MCOLN2: variants seen among roughly 807,000 people sequenced by gnomAD.
The protein encoded by MCOLN2 is mucolipin-2.
In MCOLN2, 57 loss-of-function variants were observed where a neutral mutation model predicts 67.5. That is an observed-to-expected ratio of 0.84 (90% CI 0.68 to 1.05). The LOEUF (loss-of-function observed/expected upper bound fraction) is 1.05, where lower values mean the gene tolerates loss of function less well. MCOLN2 is among the 50% of genes least tolerant of loss of function. The pLI is 0.00. For missense variants in MCOLN2, 620 were observed against 678.8 expected (o/e 0.91, Z 0.96); for synonymous variants, 246 against 233.3 (o/e 1.05, Z -0.50).
At position 84,956,459 on chromosome 1, in the gene MCOLN2, T is replaced by C; in HGVS notation, c.537A>G (p.Thr179=). 1 of 1,611,610 alleles carries C rather than the reference T, an allele frequency of 6.2e-7. No homozygotes were observed. The highest frequency in any genetic ancestry group is 8.5e-7 in the Non-Finnish European group (1 of 1,179,250). The part of the protein sequence containing the change: ...KKGTMFPSNE[T]LNIDNDVELD... The stretch of plus-strand genomic sequence containing the variant: ...GCTCAACGTCGTTGTCAATATTCAG[T>C]GTCTCATTAGAAGGAAACATGGTCC... The change falls in exon 4 of 14, where the codon ACA becomes ACG. Residue 179 remains threonine (T), a synonymous_variant. Coordinates refer to ENST00000370608, the MANE Select transcript of MCOLN2 (RefSeq NM_153259.4).
chr1:84,954,125 T>G (rs1037433198), intron 4 of MCOLN2, among the ~76,000 whole-genome samples: 2 of 152,228 alleles, frequency 1.3e-5, no homozygotes, highest in African/African-American at 4.8e-5. Flanking sequence ...AAACGCCCAT[T>G]GCCTAGCATG....
chr1:84,976,086 G>T (rs980839672), intron 1 of MCOLN2, among the ~76,000 whole-genome samples: 3 of 152,020 alleles, frequency 2.0e-5, no homozygotes, highest in African/African-American at 7.2e-5. Flanking sequence ...CCTTAAGAAG[G>T]AGGAAGAAAA....
Position 84,985,339 on chromosome 1 carries a change from C to T in MCOLN2, c.77+11457G>A, listed in dbSNP as rs1298414854. Among the ~76,000 whole-genome samples, 9 of 152,298 alleles carry T rather than the reference C, an allele frequency of 5.9e-5. No individual in the cohort carries two copies. The East Asian group carries it at 1.4e-3, about 23-fold the overall frequency. ...TTGGGACAACCTCTTCTGTCAGTTTCCAGGACACCCCCCTCCTCTTGATGT... is the reference window on the plus strand; with the variant it reads ...TTGGGACAACCTCTTCTGTCAGTTTTCAGGACACCCCCCTCCTCTTGATGT... On this transcript the variant is annotated intron_variant, in intron 1 of 13. Transcript: ENST00000370608.
chr1:84,962,425 G>A (rs1277884244), intron 2 of MCOLN2, among the ~76,000 whole-genome samples: 1 of 152,142 alleles, frequency 6.6e-6, no homozygotes, highest in Non-Finnish European at 1.5e-5. Flanking sequence ...TGTGCCTTTA[G>A]TCAGCTGTTT....
At chr1:84,952,798 G>A (rs1024333823) in intron 4 of MCOLN2, among the ~76,000 whole-genome samples, 1 of 152,160 alleles carries the variant, frequency 6.6e-6, no homozygotes, top group African/African-American at 2.4e-5. Flanking sequence ...GAACTGAGAA[G>A]CATATGACAT....
chr1:84,981,650 C>T (rs189668731), intron 1 of MCOLN2, among the ~76,000 whole-genome samples: 7 of 152,048 alleles, frequency 4.6e-5, no homozygotes, highest in East Asian at 1.9e-4. Flanking sequence ...TGGTTACCAG[C>T]GGCTGGGAAG....
chr1:84,952,193 A>G, intron 6 of MCOLN2, 50 bp downstream of exon 6: 1 of 1,310,460 alleles, frequency 7.6e-7, no homozygotes, highest in Non-Finnish European at 1.1e-6. Context: ...ATCAACAAAA[A>G]GTGTAGGAAA....
At chr1:84,954,206 C>A (rs1225319115) in intron 4 of MCOLN2, among the ~76,000 whole-genome samples, 1 of 152,146 alleles carries the variant, frequency 6.6e-6, no homozygotes, top group Non-Finnish European at 1.5e-5. Flanking sequence ...ATGTCCTGAG[C>A]CAGAAACAGG....
intron 7 of MCOLN2, among the ~76,000 whole-genome samples, chr1:84,944,419 G>A (rs1431103271): frequency 6.6e-6 from 1 of 152,080 alleles, no homozygotes; most frequent in Non-Finnish European, 1.5e-5. Flanking sequence ...TGTAGTCCCA[G>A]CTACTTGAGA....
At chr1:84,992,756 A>AC (rs1650952693) in intron 1 of MCOLN2, among the ~76,000 whole-genome samples, 2 of 141,528 alleles carry the variant, frequency 1.4e-5, no homozygotes, top group Non-Finnish European at 3.2e-5. Context: ...TATGTCTAAA[A>AC]AAACCACCTT....
chr1:84,938,101 GAA>G lies in MCOLN2; in HGVS notation c.1111-21_1111-20del. ...TGAGATTCTAAGGAATGAAAAAAAAGAAAGAGAGAAATGAGTAAAATATTTGA... is the reference window on the plus strand; with the variant it reads ...TGAGATTCTAAGGAATGAAAAAAAAGAGAGAGAAATGAGTAAAATATTTGA... On this transcript the variant is annotated intron_variant, in intron 9 of 13. Transcript: ENST00000370608. 1.9e-6 allele frequency: 3 copies of G among 1,555,482 alleles called. No individual in the cohort carries two copies. Among genetic ancestry groups the G allele is most frequent in the Non-Finnish European group, 2.6e-6 (3 of 1,134,196 alleles).
Position 84,926,445 on chromosome 1 carries a change from T to C in MCOLN2, c.*240A>G. ...TTAACAGACTAATAGAGAATTTTAT[T>C]ATCGCTGTTATATTGCACTAATGCC... is the stretch of plus-strand genomic sequence containing the variant. On this transcript the variant is annotated 3_prime_UTR_variant, in exon 14 of 14. Coordinates refer to ENST00000370608, the MANE Select transcript of MCOLN2 (RefSeq NM_153259.4). 1 of 364,362 alleles carries C rather than the reference T, an allele frequency of 2.7e-6. No homozygotes were observed. The highest frequency in any genetic ancestry group is 4.9e-6 in the Non-Finnish European group (1 of 203,732). 22.6% of individuals were successfully genotyped at this position (364,362 alleles called of 1,614,324 possible).
At chr1:84,927,040 T>TGG (rs994996134) in intron 13 of MCOLN2, among the ~76,000 whole-genome samples, 2 of 107,682 alleles carry the variant, frequency 1.9e-5, no homozygotes, top group African/African-American at 3.7e-5. Context: ...GGGGAAATGT[T>TGG]GGGGGGTAGG....
At chr1:84,927,986 T>C (rs529568934) in intron 13 of MCOLN2, among the ~76,000 whole-genome samples, 4 of 152,228 alleles carry the variant, frequency 2.6e-5, no homozygotes, top group African/African-American at 9.6e-5. Flanking sequence ...CATCACTTGT[T>C]CTCAAGGCCC....
In MCOLN2 at chr1:84,955,842, A is replaced by G. The variant is rs1433047571; in HGVS notation, c.565+589T>C. On this transcript the variant is annotated intron_variant, in intron 4 of 13. Coordinates refer to ENST00000370608, the MANE Select transcript of MCOLN2 (RefSeq NM_153259.4). The stretch of plus-strand genomic sequence containing the variant: ...ACACCAGAGGTTTGTTGAGTGAACA[A>G]CAAAACAATAAAATAATGAAACATT... 2.0e-5 allele frequency among the ~76,000 whole-genome samples: 3 copies of G among 152,230 alleles called. No individual in the cohort carries two copies. The East Asian group carries it at 5.8e-4, about 29-fold the overall frequency.
chr1:84,937,815 A>AC lies in MCOLN2; in HGVS notation c.1274dup (p.Met426TyrfsTer19). ...AGAATGTGTAACCCAGATAAATCAT[A>AC]CCAGCACAAGCACAAAACCGAAGAA... On this transcript the variant is annotated frameshift_variant, in exon 11 of 14. Transcript: ENST00000370608. LOFTEE classifies it high-confidence loss of function. 6.2e-7 allele frequency: 1 copy of AC among 1,614,230 alleles called. No individual in the cohort carries two copies. The highest frequency in any genetic ancestry group is 8.5e-7 in the Non-Finnish European group (1 of 1,180,016).
intron 13 of MCOLN2, among the ~76,000 whole-genome samples, chr1:84,927,083 C>T (rs971960577): frequency 5.9e-5 from 9 of 151,912 alleles, no homozygotes; most frequent in African/African-American, 2.2e-4. Context: ...AGGACAAATA[C>T]TTAATGCATG....
intron 11 of MCOLN2, among the ~76,000 whole-genome samples, chr1:84,936,145 C>A (rs138241363): frequency 6.6e-6 from 1 of 152,110 alleles, no homozygotes; most frequent in Non-Finnish European, 1.5e-5. Flanking sequence ...GATTTCTTCA[C>A]AGAGAAGGGG....
intron 6 of MCOLN2, among the ~76,000 whole-genome samples, chr1:84,949,300 C>G (rs1208489360): frequency 6.6e-6 from 1 of 152,044 alleles, no homozygotes; most frequent in Non-Finnish European, 1.5e-5. Context: ...CTCCAAGGCC[C>G]ATTATAATCA....
Sources: gnomAD v4.1 joint callset for allele counts (sites outside exome capture counted in the v4.1 genomes callset) on GRCh38, gnomAD v4.1.1 for gene constraint, MANE v1.5 for transcripts, NCBI Gene and HGNC (gene_info 2026-07-23, HGNC 2026-07-21) for gene names.